The following XPNPEP3 variants were observed in gnomAD, a reference collection of about 807,000 sequenced individuals.
XPNPEP3 encodes the protein X-prolyl aminopeptidase 3.
XPNPEP3 carries 41 observed loss-of-function variants against 60.0 expected under a neutral mutation model. The observed-to-expected ratio is 0.68, with a 90% confidence interval of 0.53 to 0.89. The LOEUF is 0.89. Ranked by LOEUF, XPNPEP3 falls within the 40% of genes least tolerant of loss-of-function variation. The pLI is 0.00. For missense variants in XPNPEP3, 598 were observed against 638.9 expected (o/e 0.94, Z 0.69); for synonymous variants, 212 against 223.2 (o/e 0.95, Z 0.45).
chr22:40,874,772 A>T (rs1210200659), intron 2 of XPNPEP3, among the ~76,000 whole-genome samples: 1 of 152,128 alleles, frequency 6.6e-6, no homozygotes, highest in African/African-American at 2.4e-5. Flanking sequence ...CACATACACC[A>T]CTAACCTAGT....
In XPNPEP3 at chr22:40,881,644, T is replaced by A. The variant is rs539511267; in HGVS notation, c.182-126T>A. The A allele has an allele frequency of 8.9e-5, 100 of 1,118,176 alleles. No homozygotes were observed. In the South Asian group the frequency reaches 1.2e-3, roughly 13 times the overall value. The allele number at this position is 1,118,176 out of a possible 1,614,324, so 69.3% of individuals were successfully genotyped here. On this transcript the variant is annotated intron_variant, in intron 2 of 9. Transcript: ENST00000357137. ...ACCTGGTTATCTCCTTAATTCTCCA[T>A]GTGCTGTGAGGAGATTTGGCATAAA...
intron 4 of XPNPEP3, among the ~76,000 whole-genome samples, chr22:40,906,236 G>T (rs1380437167): frequency 2.0e-5 from 3 of 151,954 alleles, no homozygotes; most frequent in East Asian, 1.9e-4. Flanking sequence ...CACCCTGGGA[G>T]GCTGAAAACA....
Position 40,888,042 on chromosome 22 carries a change from G to A in XPNPEP3, c.792+1527G>A, listed in dbSNP as rs116482599. On this transcript the variant is annotated intron_variant, in intron 4 of 9. Transcript: ENST00000357137. Reference sequence around the variant, plus strand: ...CACATTGTTGTGCCCACTTTTTCCCGACTTTCTCCATCATTCCAAATAGAA... The same window carrying A: ...CACATTGTTGTGCCCACTTTTTCCCAACTTTCTCCATCATTCCAAATAGAA... Among the ~76,000 whole-genome samples, 773 of 151,990 alleles carry A rather than the reference G, an allele frequency of 5.1e-3. 3 individuals carry two copies. The highest frequency in any genetic ancestry group is 0.017 in the African/African-American group (724 of 41,478).
chr22:40,874,080 G>A (rs987206499), intron 2 of XPNPEP3, among the ~76,000 whole-genome samples: 1 of 152,060 alleles, frequency 6.6e-6, no homozygotes, highest in African/African-American at 2.4e-5. Flanking sequence ...TATTTTGGTG[G>A]TGGTAAGATT....
intron 2 of XPNPEP3, among the ~76,000 whole-genome samples, chr22:40,876,729 C>T (rs954903568): frequency 3.3e-5 from 5 of 152,202 alleles, no homozygotes; most frequent in Middle Eastern, 6.3e-3. Flanking sequence ...ACACTTTCAA[C>T]CACAAAACAG....
At chr22:40,870,920 T>G (rs1014403388) in intron 2 of XPNPEP3, among the ~76,000 whole-genome samples, 3 of 151,710 alleles carry the variant, frequency 2.0e-5, no homozygotes, top group African/African-American at 7.3e-5. Context: ...TCTCAGCTAC[T>G]GGGGAGGCTG....
Position 40,894,265 on chromosome 22 carries a change from A to G in XPNPEP3, c.792+7750A>G, listed in dbSNP as rs535773194. Among the ~76,000 whole-genome samples, 16 of 152,190 alleles carry G rather than the reference A, an allele frequency of 1.1e-4. 1 individual carries two copies. The highest frequency in any genetic ancestry group is 3.4e-3 in the Middle Eastern group (1 of 294). On this transcript the variant is annotated intron_variant, in intron 4 of 9. Transcript: ENST00000357137. ...TGAGTTAAAGCAAAGAGAGAATATT[A>G]TTCTCTTGCTTTAAGCATCTCTTGA...
chr22:40,879,413 A>G (rs1188145409), intron 2 of XPNPEP3, among the ~76,000 whole-genome samples: 2 of 152,192 alleles, frequency 1.3e-5, no homozygotes, highest in African/African-American at 2.4e-5. Flanking sequence ...AGGTAAAACA[A>G]TTAGATCCTA....
intron 4 of XPNPEP3, among the ~76,000 whole-genome samples, 166 bp from the exon 5 acceptor site, chr22:40,907,420 CA>C (rs893468061): frequency 1.4e-5 from 2 of 138,560 alleles, no homozygotes; most frequent in African/African-American, 2.7e-5. Context: ...GACTCCGTCT[CA>C]AAAAAAAAAC....
At chr22:40,918,623 G>A (rs919449526) in intron 7 of XPNPEP3, among the ~76,000 whole-genome samples, 2 of 151,460 alleles carry the variant, frequency 1.3e-5, no homozygotes, top group African/African-American at 4.9e-5. Context: ...GGTGGAGGTC[G>A]CAGTGAGCCG....
At position 40,881,953 on chromosome 22, in the gene XPNPEP3, T is replaced by G. The variant is rs2058049915; in HGVS notation, c.365T>G (p.Leu122Arg). ...ACTTTCCACCAAGACAACAATTTCC[T>G]GTACCTATGTGGATTCCAAGAGCCT... ...PYTFHQDNNF[L>R]YLCGFQEPDS... The change falls in exon 3 of 10, where the codon CTG becomes CGG. Residue 122 changes from leucine to arginine, a missense_variant. Physicochemically the swap from Leu to Arg is moderately radical, Grantham distance 102 (BLOSUM62 -2). Coordinates refer to ENST00000357137, the MANE Select transcript of XPNPEP3 (RefSeq NM_022098.4). 1 of 1,614,080 alleles carries G rather than the reference T, an allele frequency of 6.2e-7. No individual in the cohort carries two copies.
intron 7 of XPNPEP3, among the ~76,000 whole-genome samples, chr22:40,920,460 G>C (rs1370337461): frequency 6.6e-6 from 1 of 152,178 alleles, no homozygotes; most frequent in Non-Finnish European, 1.5e-5. Context: ...CTATAGGGCA[G>C]ACTTCAGTCC....
intron 7 of XPNPEP3, among the ~76,000 whole-genome samples, chr22:40,919,214 G>A (rs769686575): frequency 8.5e-5 from 13 of 152,132 alleles, no homozygotes; most frequent in Non-Finnish European, 1.5e-4. Flanking sequence ...GCAGAAGTTT[G>A]CAAACTTGAA....
intron 1 of XPNPEP3, chr22:40,861,744 C>A: frequency 1.9e-6 from 3 of 1,613,512 alleles, no homozygotes; most frequent in Non-Finnish European, 2.5e-6. Flanking sequence ...GCCGTACTCA[C>A]ATTCATCATC....
At chr22:40,893,122 A>G (rs1183182871) in intron 4 of XPNPEP3, among the ~76,000 whole-genome samples, 1 of 147,486 alleles carries the variant, frequency 6.8e-6, no homozygotes, top group Non-Finnish European at 1.5e-5. Context: ...ATAAATATAT[A>G]TTATATATTG....
chr22:40,913,050 A>G (rs980103741), intron 6 of XPNPEP3, among the ~76,000 whole-genome samples: 1 of 152,194 alleles, frequency 6.6e-6, no homozygotes, highest in African/African-American at 2.4e-5. Context: ...ACTTACTTAG[A>G]TATGAATAAC....
At chr22:40,888,478 A>G in intron 4 of XPNPEP3, 1 of 406,468 alleles carries the variant, frequency 2.5e-6, no homozygotes, top group South Asian at 1.7e-5. Flanking sequence ...TCCTGAGCTC[A>G]AGCAGTCCGC....
chr22:40,912,810 C>T (rs1017688623), intron 6 of XPNPEP3, among the ~76,000 whole-genome samples: 4 of 151,866 alleles, frequency 2.6e-5, no homozygotes, highest in African/African-American at 9.7e-5. Flanking sequence ...GCAGAGATTG[C>T]AGTGAGCCAA....
At chr22:40,912,715 C>G (rs1569030273) in intron 6 of XPNPEP3, among the ~76,000 whole-genome samples, 2 of 151,920 alleles carry the variant, frequency 1.3e-5, no homozygotes, top group Non-Finnish European at 2.9e-5. Flanking sequence ...ACTAAAAATA[C>G]AAAAATTAGC....
Sources: gnomAD v4.1 joint callset for allele counts (sites outside exome capture counted in the v4.1 genomes callset) on GRCh38, gnomAD v4.1.1 for gene constraint, MANE v1.5 for transcripts, NCBI Gene and HGNC (gene_info 2026-07-23, HGNC 2026-07-21) for gene names.